SLC24A2: variants seen among roughly 807,000 people sequenced by gnomAD.
The protein encoded by SLC24A2 is sodium/potassium/calcium exchanger 2.
SLC24A2 carries 36 observed loss-of-function variants against 62.0 expected under a neutral mutation model. The ratio of observed to expected loss-of-function variants is 0.58; its 90% CI spans 0.44 to 0.77. The LOEUF (loss-of-function observed/expected upper bound fraction) is 0.77. Among genes scored for constraint, SLC24A2 ranks in the 30% least tolerant of loss-of-function variants. The pLI, the probability that SLC24A2 is intolerant of heterozygous loss-of-function variation, is 0.00. For synonymous variants in SLC24A2, 358 were observed against 294.0 expected, an observed-to-expected ratio of 1.22 and a Z score of -2.23; for missense variants, 846 against 817.9, an observed-to-expected ratio of 1.03 and a Z score of -0.42.
chr9:19,641,325 A>G (rs1447282769), intron 2 of SLC24A2, among the ~76,000 whole-genome samples: 1 of 152,222 alleles, frequency 6.6e-6, no homozygotes, highest in African/African-American at 2.4e-5. Flanking sequence ...TGTCTCCTCC[A>G]AACATGCATA....
the SLC24A2 span, among the ~76,000 whole-genome samples, chr9:19,955,024 G>T: frequency 6.6e-6 from 1 of 151,856 alleles, no homozygotes; most frequent in Non-Finnish European, 1.5e-5. Context: ...TCTAATTCTG[G>T]TAAAAATTAT....
At chr9:19,559,483 A>T (rs1223740258) in intron 7 of SLC24A2, among the ~76,000 whole-genome samples, 2 of 152,216 alleles carry the variant, frequency 1.3e-5, no homozygotes, top group African/African-American at 4.8e-5. Context: ...TATCAGAAAC[A>T]AAGCTTCTAA....
At chr9:19,671,590 T>G (rs118069461) in intron 2 of SLC24A2, among the ~76,000 whole-genome samples, 2 of 152,206 alleles carry the variant, frequency 1.3e-5, no homozygotes, top group Non-Finnish European at 2.9e-5. Context: ...CCCAGCACCA[T>G]GTTGAATAGA....
chr9:19,987,868 C>G, the SLC24A2 span, among the ~76,000 whole-genome samples: 1 of 152,182 alleles, frequency 6.6e-6, no homozygotes, highest in African/African-American at 2.4e-5. Context: ...TGTAGGAGCA[C>G]TGAACCAGCG....
intron 5 of SLC24A2, among the ~76,000 whole-genome samples, chr9:19,593,943 T>C (rs1178601942): frequency 6.6e-6 from 1 of 152,168 alleles, no homozygotes; most frequent in Non-Finnish European, 1.5e-5. Flanking sequence ...TGATATAGAA[T>C]ATATATAAGC....
chr9:19,826,495 G>T, the SLC24A2 span, among the ~76,000 whole-genome samples: 43 of 152,236 alleles, frequency 2.8e-4, no homozygotes, highest in African/African-American at 8.7e-4. Flanking sequence ...ATAAACAACA[G>T]AAATTTATTT....
the SLC24A2 span, among the ~76,000 whole-genome samples, chr9:19,815,407 G>A: frequency 1.3e-5 from 2 of 152,062 alleles, no homozygotes; most frequent in African/African-American, 2.4e-5. Context: ...TCATTGGATG[G>A]GTTCTGGGAC....
At chr9:19,544,231 C>G (rs189790441) in intron 8 of SLC24A2, among the ~76,000 whole-genome samples, 1 of 145,314 alleles carries the variant, frequency 6.9e-6, no homozygotes. Context: ...TCTGTTTTGT[C>G]GGAGACTAGG....
chr9:20,257,212 G>A, the SLC24A2 span, among the ~76,000 whole-genome samples: 1 of 152,104 alleles, frequency 6.6e-6, no homozygotes, highest in Non-Finnish European at 1.5e-5. Flanking sequence ...AGCCAGACTG[G>A]TTTGATCCCA....
intron 8 of SLC24A2, among the ~76,000 whole-genome samples, chr9:19,534,169 G>A (rs978044398): frequency 1.3e-5 from 2 of 152,124 alleles, no homozygotes; most frequent in Admixed American, 1.3e-4. Context: ...AGCTGTGGGG[G>A]GAAAACCCAT....
the SLC24A2 span, among the ~76,000 whole-genome samples, chr9:19,915,910 TAGA>T: frequency 2.6e-5 from 4 of 152,066 alleles, no homozygotes; most frequent in African/African-American, 9.7e-5. Context: ...CTTTTATACA[TAGA>T]AGGTTTTAAG....
At chr9:19,937,386 A>G in the SLC24A2 span, among the ~76,000 whole-genome samples, 3 of 152,224 alleles carry the variant, frequency 2.0e-5, no homozygotes, top group South Asian at 2.1e-4. Flanking sequence ...AGAATTCTCA[A>G]CCCAGATTGC....
intron 2 of SLC24A2, among the ~76,000 whole-genome samples, chr9:19,626,369 G>A (rs955421599): frequency 3.9e-5 from 6 of 152,130 alleles, no homozygotes; most frequent in Non-Finnish European, 8.8e-5. Flanking sequence ...CATATCAAAT[G>A]GGTCACCATG....
At chr9:19,692,879 G>C (rs540740209) in intron 2 of SLC24A2, among the ~76,000 whole-genome samples, 2 of 152,206 alleles carry the variant, frequency 1.3e-5, no homozygotes, top group East Asian at 1.9e-4. Flanking sequence ...TTAGCAAATT[G>C]TCTCATTTTT....
rs557613170 is a variant in SLC24A2, at chr9:19,550,038, T to C, written c.1479+99A>G. On this transcript the variant is annotated intron_variant, in intron 8 of 10. Transcript: ENST00000341998. ...TATATGTGAGATTTTGATACAAGTG[T>C]ACTTCCTTTTTCCTTTTAACACAAA... 45 of 1,203,056 alleles carry C rather than the reference T, an allele frequency of 3.7e-5. No individual in the cohort carries two copies. The African/African-American group carries it at 4.9e-4, about 13-fold the overall frequency. The allele number at this position is 1,203,056 out of a possible 1,614,324, so 74.5% of individuals were successfully genotyped here.
chr9:19,983,968 G>C, the SLC24A2 span, among the ~76,000 whole-genome samples: 1 of 152,164 alleles, frequency 6.6e-6, no homozygotes, highest in Non-Finnish European at 1.5e-5. Flanking sequence ...CTTTATGATG[G>C]TGTGAAAGTT....
chr9:20,265,565 C>A, the SLC24A2 span, among the ~76,000 whole-genome samples: 1 of 152,264 alleles, frequency 6.6e-6, no homozygotes, highest in Admixed American at 6.5e-5. Context: ...TTAATCCTGT[C>A]GTTTTCATAA....
At chr9:19,973,430 T>A in the SLC24A2 span, among the ~76,000 whole-genome samples, 2 of 152,192 alleles carry the variant, frequency 1.3e-5, no homozygotes, top group African/African-American at 4.8e-5. Flanking sequence ...GGTTGGAAAT[T>A]CAAAGGAATT....
At chr9:19,960,278 G>A in the SLC24A2 span, among the ~76,000 whole-genome samples, 389 of 152,178 alleles carry the variant, frequency 2.6e-3, no homozygotes, top group African/African-American at 8.9e-3. Context: ...TATGTGTGAC[G>A]CATGATATTT....
Sources: allele counts gnomAD v4.1 joint callset (sites outside exome capture counted in the v4.1 genomes callset), GRCh38; gene constraint gnomAD v4.1.1; transcripts MANE v1.5; gene names NCBI Gene and HGNC (gene_info 2026-07-23, HGNC 2026-07-21).